Variants in RIMS2 observed in about 807,000 individuals in gnomAD.
RIMS2 encodes regulating synaptic membrane exocytosis 2, also known as regulating synaptic membrane exocytosis protein 2.
In RIMS2, 59 loss-of-function variants were observed where a neutral mutation model predicts 174.4. The observed-to-expected ratio is 0.34, with a 90% confidence interval of 0.27 to 0.42. The LOEUF is 0.42. RIMS2 is among the 10% of genes least tolerant of loss of function. The probability of loss-of-function intolerance (pLI) is 1.00; values close to 1 mark genes in which losing one functional copy is unlikely to be tolerated. For synonymous variants in RIMS2, 606 were observed against 572.5 expected (o/e 1.06, Z -0.84); for missense variants, 1,620 against 1,666.3 (o/e 0.97, Z 0.48).
chr8:104,174,708 T>C lies in RIMS2; in HGVS notation c.3335-70208T>C, dbSNP rs575386033. Reference sequence around the variant, plus strand: ...ACTAAAGAAGCAACAGAAAGAAAGGTGTTGCGGGGAAGAAGGTAGGAAAAG... The same window carrying C: ...ACTAAAGAAGCAACAGAAAGAAAGGCGTTGCGGGGAAGAAGGTAGGAAAAG... On this transcript the variant is annotated intron_variant, in intron 19 of 23. Transcript: ENST00000504942. Among the ~76,000 whole-genome samples, 66 of 152,248 alleles carry C rather than the reference T, an allele frequency of 4.3e-4. 2 individuals are homozygous for C. The South Asian group carries it at 0.011, about 25-fold the overall frequency.
intron 19 of RIMS2, among the ~76,000 whole-genome samples, chr8:104,015,083 A>T (rs1192113427): frequency 6.6e-6 from 1 of 152,118 alleles, no homozygotes; most frequent in Non-Finnish European, 1.5e-5. Flanking sequence ...TGTTGTACTG[A>T]TGTTTTATTA....
chr8:104,096,110 A>T (rs866412119), intron 19 of RIMS2, among the ~76,000 whole-genome samples: 3 of 152,148 alleles, frequency 2.0e-5, no homozygotes, highest in Non-Finnish European at 4.4e-5. Flanking sequence ...TGTTGGGCAT[A>T]GGATAATTTC....
At chr8:103,517,685 C>CTGA (rs1204408201) in intron 1 of RIMS2, among the ~76,000 whole-genome samples, 1 of 152,154 alleles carries the variant, frequency 6.6e-6, no homozygotes, top group Non-Finnish European at 1.5e-5. Context: ...CAGTGCCTAC[C>CTGA]TGATACCCCT....
intron 19 of RIMS2, among the ~76,000 whole-genome samples, chr8:104,127,722 T>C (rs1325300182): frequency 6.6e-6 from 1 of 151,570 alleles, no homozygotes; most frequent in Non-Finnish European, 1.5e-5. Context: ...TAAACAGTGA[T>C]AAATGGTTGC....
chr8:104,070,146 T>C (rs1431799626), intron 19 of RIMS2, among the ~76,000 whole-genome samples: 2 of 152,210 alleles, frequency 1.3e-5, no homozygotes, highest in Non-Finnish European at 2.9e-5. Context: ...GTAGCAGGTA[T>C]GTACATATGT....
chr8:103,592,104 A>G (rs1240593045), intron 1 of RIMS2, among the ~76,000 whole-genome samples: 1 of 151,186 alleles, frequency 6.6e-6, no homozygotes, highest in Non-Finnish European at 1.5e-5. Flanking sequence ...ATGTCATGGG[A>G]GCAGGTGGTG....
intron 1 of RIMS2, among the ~76,000 whole-genome samples, chr8:103,673,969 CT>C (rs1590093232): frequency 6.6e-6 from 1 of 152,224 alleles, no homozygotes; most frequent in South Asian, 2.1e-4. Flanking sequence ...ACATCTTGAA[CT>C]TTTTGCTGCT....
chr8:104,101,914 A>T (rs1269343127), intron 19 of RIMS2, among the ~76,000 whole-genome samples: 1 of 152,040 alleles, frequency 6.6e-6, no homozygotes, highest in Middle Eastern at 3.2e-3. Context: ...ATTGTCTGTT[A>T]GTTCTGCATA....
intron 19 of RIMS2, among the ~76,000 whole-genome samples, chr8:104,082,197 G>A (rs1373310713): frequency 1.3e-5 from 2 of 151,872 alleles, no homozygotes; most frequent in Non-Finnish European, 2.9e-5. Context: ...AAGGGAAAGG[G>A]GATGAAGAGA....
intron 3 of RIMS2, among the ~76,000 whole-genome samples, chr8:103,795,866 T>G (rs1012211415): frequency 6.6e-6 from 1 of 152,176 alleles, no homozygotes; most frequent in African/African-American, 2.4e-5. Context: ...CAACTCCAAG[T>G]TCTATAATCT....
At chr8:103,593,887 A>G (rs2133411162) in intron 1 of RIMS2, among the ~76,000 whole-genome samples, 1 of 151,470 alleles carries the variant, frequency 6.6e-6, no homozygotes, top group Admixed American at 6.6e-5. Context: ...AACTTATTAA[A>G]CAAAAGCACA....
chr8:104,209,535 C>G (rs1246566750), intron 19 of RIMS2, among the ~76,000 whole-genome samples: 1 of 152,194 alleles, frequency 6.6e-6, no homozygotes. Context: ...CTGTGCTATA[C>G]TGTTGTTGTT....
At chr8:103,503,158 CCTAA>C (rs1303599956) in intron 1 of RIMS2, among the ~76,000 whole-genome samples, 1 of 151,796 alleles carries the variant, frequency 6.6e-6, no homozygotes, top group Non-Finnish European at 1.5e-5. Flanking sequence ...TGCATTGCTA[CCTAA>C]CTTAGTCTTA....
chr8:103,891,526 C>T (rs2099245460), intron 4 of RIMS2, among the ~76,000 whole-genome samples: 1 of 152,010 alleles, frequency 6.6e-6, no homozygotes, highest in Non-Finnish European at 1.5e-5. Flanking sequence ...CCCAACTGCA[C>T]AAAAGATGCC....
chr8:103,624,137 G>A (rs1046213859), intron 1 of RIMS2, among the ~76,000 whole-genome samples: 1 of 152,006 alleles, frequency 6.6e-6, no homozygotes. Flanking sequence ...GACTGGCCAA[G>A]GGGGGCCCAG....
intron 1 of RIMS2, among the ~76,000 whole-genome samples, chr8:103,669,198 T>A (rs1025782622): frequency 1.3e-5 from 2 of 152,152 alleles, no homozygotes. Flanking sequence ...GTGTTTCCCC[T>A]TATGAAACCA....
At chr8:104,149,840 T>C (rs2098674908) in intron 19 of RIMS2, among the ~76,000 whole-genome samples, 1 of 152,194 alleles carries the variant, frequency 6.6e-6, no homozygotes, top group East Asian at 1.9e-4. Context: ...GGGAATTTAG[T>C]CTTATTTAAC....
At chr8:103,863,960 G>A in intron 3 of RIMS2, among the ~76,000 whole-genome samples, 1 of 150,832 alleles carries the variant, frequency 6.6e-6, no homozygotes, top group Non-Finnish European at 1.5e-5. Flanking sequence ...CCAGGCAGGA[G>A]TGCGGTGGCG....
intron 1 of RIMS2, among the ~76,000 whole-genome samples, chr8:103,666,795 G>A (rs753944496): frequency 3.3e-5 from 5 of 152,052 alleles, no homozygotes; most frequent in African/African-American, 7.2e-5. Context: ...AGGTTTTTAC[G>A]TAGGTGAGAG....
Sources: gnomAD v4.1 joint callset for allele counts (sites outside exome capture counted in the v4.1 genomes callset) on GRCh38, gnomAD v4.1.1 for gene constraint, MANE v1.5 for transcripts, NCBI Gene and HGNC (gene_info 2026-07-23, HGNC 2026-07-21) for gene names.